Variants in PITPNM2 observed in about 807,000 individuals in gnomAD.
PITPNM2 encodes the protein membrane-associated phosphatidylinositol transfer protein 2.
PITPNM2 carries 35 observed loss-of-function variants against 132.2 expected under a neutral mutation model. That is an observed-to-expected ratio of 0.26 (90% CI 0.20 to 0.35). The LOEUF (loss-of-function observed/expected upper bound fraction) is 0.35, where lower values mean the gene tolerates loss of function less well. PITPNM2 is among the 10% of genes least tolerant of loss of function. The pLI, the probability that PITPNM2 is intolerant of heterozygous loss-of-function variation, is 1.00. For missense variants in PITPNM2, 1,332 were observed against 1,912.0 expected (o/e 0.70, Z 5.66); for synonymous variants, 738 against 799.2 (o/e 0.92, Z 1.29).
chr12:123,126,272 G>C (rs528509582), intron 1 of PITPNM2, among the ~76,000 whole-genome samples: 4 of 152,228 alleles, frequency 2.6e-5, no homozygotes, highest in East Asian at 3.9e-4. Flanking sequence ...AACTGCTAAG[G>C]GTTCTGCAGG....
chr12:123,001,250 T>A, intron 8 of PITPNM2, 92 bp from the exon 9 acceptor site: 1 of 942,766 alleles, frequency 1.1e-6, no homozygotes, highest in Non-Finnish European at 1.7e-6. Flanking sequence ...ACGGCTCTGC[T>A]CTGACCGTTC....
At chr12:123,085,927 T>C (rs1018493826) in intron 2 of PITPNM2, among the ~76,000 whole-genome samples, 1 of 152,110 alleles carries the variant, frequency 6.6e-6, no homozygotes, top group Non-Finnish European at 1.5e-5. Flanking sequence ...ATGCCCTGTC[T>C]CCCTGGCGGC....
At chr12:123,069,248 A>C (rs1173278755) in intron 2 of PITPNM2, among the ~76,000 whole-genome samples, 1 of 137,372 alleles carries the variant, frequency 7.3e-6, no homozygotes, top group Non-Finnish European at 1.6e-5. Flanking sequence ...CCTACTCTCT[A>C]AAAAAAAAAA....
At chr12:123,145,846 G>GCA (rs2043604275) in intron 1 of PITPNM2, among the ~76,000 whole-genome samples, 1 of 152,130 alleles carries the variant, frequency 6.6e-6, no homozygotes, top group Admixed American at 6.5e-5. Context: ...AAAGATACAG[G>GCA]CACACGTATG....
At chr12:123,140,373 C>T (rs905189844) in intron 1 of PITPNM2, among the ~76,000 whole-genome samples, 1 of 152,216 alleles carries the variant, frequency 6.6e-6, no homozygotes, top group African/African-American at 2.4e-5. Context: ...TCCTCCCCAA[C>T]CTGGCTTCCT....
intron 2 of PITPNM2, among the ~76,000 whole-genome samples, chr12:123,060,677 G>C (rs2041205527): frequency 6.6e-6 from 1 of 152,234 alleles, no homozygotes; most frequent in African/African-American, 2.4e-5. Context: ...AGGCTGCAAG[G>C]AGGGTACCAA....
chr12:123,136,381 G>C (rs191599979), intron 1 of PITPNM2, among the ~76,000 whole-genome samples: 2 of 152,016 alleles, frequency 1.3e-5, no homozygotes, highest in African/African-American at 4.8e-5. Flanking sequence ...TTAAAGAAAA[G>C]GGCCTCCTTC....
intron 2 of PITPNM2, chr12:123,088,777 A>G (rs2042183540): frequency 6.6e-6 from 1 of 152,208 alleles, no homozygotes; most frequent in Non-Finnish European, 1.5e-5. Flanking sequence ...GCACATCTTC[A>G]TGAACAAGAT....
rs765671046 is a variant in PITPNM2 at position 122,987,853 on chromosome 12, C to T, written c.3046G>A (p.Gly1016Ser). The change falls in exon 21 of 26, where the codon GGC becomes AGC. Residue 1016 changes from glycine to serine, a missense_variant. Around this residue, in one of 6 missense-constraint regions of PITPNM2, gnomAD observed 251 missense variants for 472.0 expected, o/e 0.53. Coordinates refer to ENST00000320201, the MANE Select transcript of PITPNM2 (RefSeq NM_020845.3). ...RINDALANEDGPQVLTGRFMY... is the reference protein window; with the variant it reads ...RINDALANEDSPQVLTGRFMY... ...AACCTGCCCGTCAGAACCTGGGGGCCGTCCTCATTGGCAAGGGCATCATTG... is the reference window on the plus strand; with the variant it reads ...AACCTGCCCGTCAGAACCTGGGGGCTGTCCTCATTGGCAAGGGCATCATTG... 1.9e-5 allele frequency: 31 copies of T among 1,613,782 alleles called. No individual in the cohort carries two copies. Among genetic ancestry groups the T allele is most frequent in the Non-Finnish European group, 2.3e-5 (27 of 1,179,912 alleles).
At chr12:123,056,524 G>C (rs1213083971) in intron 2 of PITPNM2, among the ~76,000 whole-genome samples, 1 of 152,230 alleles carries the variant, frequency 6.6e-6, no homozygotes, top group Admixed American at 6.5e-5. Context: ...GCCTGGGTCA[G>C]GTTCTCAGTC....
intron 1 of PITPNM2, among the ~76,000 whole-genome samples, chr12:123,113,810 C>T (rs777042698): frequency 1.9e-4 from 29 of 152,132 alleles, no homozygotes; most frequent in Middle Eastern, 3.4e-3. Context: ...ATTTTCATCA[C>T]CCCAAAAAGA....
chr12:123,004,460 A>G lies in PITPNM2; in HGVS notation c.982T>C (p.Trp328Arg), dbSNP rs2038834006. Residue 328 changes from tryptophan (W) to arginine (R), a missense_variant, in exon 8 of 26, where the codon TGG becomes CGG. Physicochemically the swap from Trp to Arg is moderately radical, Grantham distance 101 (BLOSUM62 -3). Around this residue, in one of 6 missense-constraint regions of PITPNM2, gnomAD observed 710 missense variants for 911.5 expected, o/e 0.78. Transcript: ENST00000320201. The surrounding 1 kb of genome is among the most constrained non-coding windows in gnomAD (Gnocchi z 4.9). ...ASPSRHSISE[W>R]RMQSIARDSD... The stretch of plus-strand genomic sequence containing the variant: ...TCCCTGGCAATACTCTGCATCCTCC[A>G]CTCTGAGATGCTGTGGCGGGAAGGA... 6.2e-7 allele frequency: 1 copy of G among 1,613,712 alleles called. No homozygotes were observed. Among genetic ancestry groups the G allele is most frequent in the Non-Finnish European group, 8.5e-7 (1 of 1,180,004 alleles).
Position 122,995,620 on chromosome 12 carries a change from G to T in PITPNM2, c.1823C>A (p.Ala608Glu), listed in dbSNP as rs2038395198. The change falls in exon 14 of 26, where the codon GCA becomes GAA. Residue 608 changes from alanine to glutamate, a missense_variant. Ala to Glu is a moderately radical substitution (Grantham distance 107). This residue lies in a region of PITPNM2 where 710 missense variants were observed against 911.5 expected (regional missense o/e 0.78). Coordinates refer to ENST00000320201, the MANE Select transcript of PITPNM2 (RefSeq NM_020845.3). ...LLSPGILMNA[A>E]HCCGGGGGGG... ...GCCACCGCCACCACCGCAGCAGTGT[G>T]CTGCATTCATCAGGATGCCCGGGGA... 1.2e-6 allele frequency: 2 copies of T among 1,603,964 alleles called. No individual in the cohort carries two copies. The highest frequency in any genetic ancestry group is 2.7e-5 in the African/African-American group (2 of 74,866).
chr12:123,080,500 C>T (rs1321180086), intron 2 of PITPNM2, among the ~76,000 whole-genome samples: 1 of 152,254 alleles, frequency 6.6e-6, no homozygotes, highest in African/African-American at 2.4e-5. Flanking sequence ...GTGCTCATCT[C>T]ACCCTGCCTT....
Position 122,989,875 on chromosome 12 carries a change from G to A in PITPNM2, c.2643C>T (p.Pro881=). Residue 881 remains proline, a synonymous_variant, in exon 18 of 26, where the codon CCC becomes CCT. Transcript: ENST00000320201. ...CTGGAGGGTGGGGGCCAGGGGTGGT[G>A]GGGCTGGGGGCGGGCAGGGCGAGCA... ...LSLLALPAPS[P]TTPGPHPPAR... 7.5e-7 allele frequency: 1 copy of A among 1,329,548 alleles called. No homozygotes were observed. Among genetic ancestry groups the A allele is most frequent in the South Asian group, 2.1e-5 (1 of 47,292 alleles). The allele number at this position is 1,329,548 out of a possible 1,614,324, so 82.4% of individuals were successfully genotyped here. A position where few individuals can be genotyped will look rare whatever the true frequency, so the allele number is the denominator to read the frequency against.
chr12:123,040,902 G>A (rs187159585), intron 2 of PITPNM2, among the ~76,000 whole-genome samples: 1 of 152,272 alleles, frequency 6.6e-6, no homozygotes, highest in Admixed American at 6.5e-5. Flanking sequence ...GAAGAGTGTG[G>A]AATAAACGTT....
chr12:123,046,103 G>C (rs2040645728), intron 2 of PITPNM2, among the ~76,000 whole-genome samples: 2 of 152,128 alleles, frequency 1.3e-5, no homozygotes, highest in African/African-American at 4.8e-5. Context: ...CAGAGACTTA[G>C]TCCCCACCCC....
At position 122,989,701 on chromosome 12, in the gene PITPNM2, G is replaced by A. The variant is rs542660976; in HGVS notation, c.2731+86C>T. 6.4e-5 allele frequency: 80 copies of A among 1,249,530 alleles called. No homozygotes were observed. In the Admixed American group the frequency reaches 6.4e-4, roughly 10 times the overall value. The allele number at this position is 1,249,530 out of a possible 1,614,324, so 77.4% of individuals were successfully genotyped here. On this transcript the variant is annotated intron_variant, in intron 18 of 25. Coordinates refer to ENST00000320201, the MANE Select transcript of PITPNM2 (RefSeq NM_020845.3). ...CCCCAGCTCCCTGTTAGGCCGAAGCGGGGGTCTAGGTGGGCAGAGCCTGGC... is the reference window on the plus strand; with the variant it reads ...CCCCAGCTCCCTGTTAGGCCGAAGCAGGGGTCTAGGTGGGCAGAGCCTGGC...
At chr12:122,995,005 G>A (rs2038362216) in intron 14 of PITPNM2, 26 bp from the exon 15 acceptor site, 4 of 1,565,688 alleles carry the variant, frequency 2.6e-6, no homozygotes, top group Non-Finnish European at 3.5e-6. Context: ...AGACTTAGCT[G>A]TCATGTGGGT....
Sources: allele counts gnomAD v4.1 joint callset (sites outside exome capture counted in the v4.1 genomes callset), GRCh38; gene constraint gnomAD v4.1.1; regional missense constraint gnomAD v4.1.1; non-coding constraint Gnocchi (gnomAD v3.1); transcripts MANE v1.5; gene names NCBI Gene and HGNC (gene_info 2026-07-23, HGNC 2026-07-21).